PEAK1: variants seen among roughly 807,000 people sequenced by gnomAD.
PEAK1 encodes inactive tyrosine-protein kinase PEAK1.
In PEAK1, 54 loss-of-function variants were observed where a neutral mutation model predicts 124.7. The ratio of observed to expected loss-of-function variants is 0.43; its 90% CI spans 0.35 to 0.54. The LOEUF (loss-of-function observed/expected upper bound fraction) is 0.54, where lower values mean the gene tolerates loss of function less well. Among genes scored for constraint, PEAK1 ranks in the 20% least tolerant of loss-of-function variants. The pLI, the probability that PEAK1 is intolerant of heterozygous loss-of-function variation, is 0.01. For synonymous variants in PEAK1, 719 were observed against 760.0 expected, an observed-to-expected ratio of 0.95 and a Z score of 0.89; for missense variants, 2,046 against 2,134.5, an observed-to-expected ratio of 0.96 and a Z score of 0.82.
Position 77,133,597 on chromosome 15 carries a change from C to A in PEAK1, c.3485G>T (p.Arg1162Ile). The A allele has an allele frequency of 6.2e-7, 1 of 1,614,076 alleles. No homozygotes were observed. Among genetic ancestry groups the A allele is most frequent in the Non-Finnish European group, 8.5e-7 (1 of 1,180,006 alleles). The change falls in exon 9 of 10, where the codon AGA becomes ATA. Residue 1162 changes from arginine (R) to isoleucine (I), a missense_variant. Physicochemically the swap from Arg to Ile is moderately conservative, Grantham distance 97. Coordinates refer to ENST00000682557, the MANE Select transcript of PEAK1 (RefSeq NM_001385026.1). This position sits in a 1 kb window ranked among gnomAD's most constrained non-coding sequence, Gnocchi z 4.2. ...CTTGGAGATTGGCTCTGTATTGGCT[C>A]TTATGATCATCTTCTTTGGCAGTGG... ...PPPLPKKMII[R>I]ANTEPISKDL... is the part of the protein sequence containing the mutation.
chr15:77,296,984 C>T (rs1421447007), intron 2 of PEAK1, among the ~76,000 whole-genome samples: 1 of 151,720 alleles, frequency 6.6e-6, no homozygotes, highest in Non-Finnish European at 1.5e-5. Context: ...TCAAAATTCC[C>T]GTTTAGTCTA....
intron 9 of PEAK1, among the ~76,000 whole-genome samples, chr15:77,117,786 G>GA (rs565553362): frequency 6.7e-4 from 100 of 148,310 alleles, no homozygotes; most frequent in South Asian, 1.9e-3. Context: ...AAGTCAGGCT[G>GA]AAAAAAAAAA....
intron 1 of PEAK1, chr15:77,402,773 A>G: frequency 1.0e-6 from 1 of 985,392 alleles, no homozygotes; most frequent in Non-Finnish European, 1.2e-6. Context: ...TGCACATGCC[A>G]TTTTATATGA....
chr15:77,199,067 G>C (rs2058239800), intron 6 of PEAK1, among the ~76,000 whole-genome samples: 1 of 152,134 alleles, frequency 6.6e-6, no homozygotes, highest in East Asian at 1.9e-4. Flanking sequence ...GCACAAATGT[G>C]GTCAGATTTA....
At chr15:77,333,098 T>C in intron 2 of PEAK1, 1 of 983,636 alleles carries the variant, frequency 1.0e-6, no homozygotes, top group African/African-American at 1.7e-5. Context: ...CCTTTCAATT[T>C]TGTTGATGGT....
chr15:77,156,961 T>G (rs2055208535), intron 8 of PEAK1: 1 of 152,204 alleles, frequency 6.6e-6, no homozygotes, highest in East Asian at 1.9e-4. Flanking sequence ...TTAGGTAAAC[T>G]ATAGTATGTT....
chr15:77,272,237 C>G (rs1277890716), intron 5 of PEAK1, among the ~76,000 whole-genome samples: 1 of 152,062 alleles, frequency 6.6e-6, no homozygotes, highest in Non-Finnish European at 1.5e-5. Flanking sequence ...CCAAGCCCAA[C>G]AGAAGAAAAC....
intron 2 of PEAK1, chr15:77,355,907 G>T (rs1039485710): frequency 1.0e-6 from 1 of 985,274 alleles, no homozygotes; most frequent in African/African-American, 1.7e-5. Context: ...AAACCCCTGG[G>T]TTGACTAGGA....
chr15:77,222,913 A>G (rs956613702), intron 6 of PEAK1, among the ~76,000 whole-genome samples: 2 of 152,074 alleles, frequency 1.3e-5, no homozygotes, highest in Non-Finnish European at 2.9e-5. Flanking sequence ...GGTAACAAGG[A>G]CAACTCTTTA....
chr15:77,146,400 G>A (rs2054177788), intron 8 of PEAK1, among the ~76,000 whole-genome samples: 1 of 152,102 alleles, frequency 6.6e-6, no homozygotes, highest in Non-Finnish European at 1.5e-5. Context: ...CAGATATAAA[G>A]ACCATTTTAA....
At chr15:77,317,018 T>C (rs2064921860) in intron 2 of PEAK1, among the ~76,000 whole-genome samples, 1 of 151,976 alleles carries the variant, frequency 6.6e-6, no homozygotes, top group Admixed American at 6.6e-5. Flanking sequence ...GAGGTGGAGG[T>C]TGCAGTGAAC....
intron 6 of PEAK1, among the ~76,000 whole-genome samples, chr15:77,246,569 T>G (rs1305945203): frequency 6.6e-6 from 1 of 152,068 alleles, no homozygotes; most frequent in Non-Finnish European, 1.5e-5. Flanking sequence ...ACAATATCTC[T>G]TTACTGGGAT....
At chr15:77,277,747 C>G (rs1218258865) in intron 5 of PEAK1, among the ~76,000 whole-genome samples, 1 of 151,804 alleles carries the variant, frequency 6.6e-6, no homozygotes, top group Non-Finnish European at 1.5e-5. Context: ...ATTAAGAAAC[C>G]AATCTGAAAA....
chr15:77,159,833 A>G (rs889177663), intron 7 of PEAK1, among the ~76,000 whole-genome samples: 4 of 152,170 alleles, frequency 2.6e-5, no homozygotes, highest in African/African-American at 9.7e-5. Flanking sequence ...CCTCTTATCA[A>G]TTTTTCATTA....
chr15:77,334,623 G>A (rs2066084042), intron 2 of PEAK1: 12 of 985,064 alleles, frequency 1.2e-5, no homozygotes, highest in Admixed American at 6.2e-5. Flanking sequence ...GAAAAGTCCA[G>A]CAGGAAATAT....
chr15:77,260,760 C>G (rs1199949985), intron 5 of PEAK1, among the ~76,000 whole-genome samples: 1 of 152,176 alleles, frequency 6.6e-6, no homozygotes, highest in Non-Finnish European at 1.5e-5. Flanking sequence ...TCCAACTGAG[C>G]TTTGAAGAGA....
At chr15:77,265,140 A>G (rs1313444885) in intron 5 of PEAK1, among the ~76,000 whole-genome samples, 2 of 152,120 alleles carry the variant, frequency 1.3e-5, no homozygotes, top group African/African-American at 4.8e-5. Flanking sequence ...TAGACCTAAA[A>G]CCATAAAAAC....
intron 6 of PEAK1, among the ~76,000 whole-genome samples, chr15:77,242,454 A>C (rs2060400763): frequency 6.6e-6 from 1 of 152,156 alleles, no homozygotes. Flanking sequence ...TGCTTTAATA[A>C]GACATTAAGC....
At chr15:77,155,514 T>A (rs995000994) in intron 8 of PEAK1, 2 of 152,306 alleles carry the variant, frequency 1.3e-5, no homozygotes, top group Non-Finnish European at 2.9e-5. Context: ...CCAGCTTTGT[T>A]CCGTTGCTGG....
Sources: gnomAD v4.1 joint callset for allele counts (sites outside exome capture counted in the v4.1 genomes callset) on GRCh38, gnomAD v4.1.1 for gene constraint, Gnocchi (gnomAD v3.1) non-coding constraint, MANE v1.5 for transcripts, NCBI Gene and HGNC (gene_info 2026-07-23, HGNC 2026-07-21) for gene names.